TFEC: variants seen among roughly 807,000 people sequenced by gnomAD.
TFEC encodes class E basic helix-loop-helix protein 34.
In TFEC, 31 loss-of-function variants were observed where a neutral mutation model predicts 41.6. The ratio of observed to expected loss-of-function variants is 0.74; its 90% confidence interval spans 0.56 to 1.01. The LOEUF (loss-of-function observed/expected upper bound fraction) is 1.01, where lower values mean the gene tolerates loss of function less well. TFEC is among the 50% of genes least tolerant of loss of function. The probability of loss-of-function intolerance (pLI) is 0.00; values close to 1 mark genes in which losing one functional copy is unlikely to be tolerated. For missense variants in TFEC, 402 were observed against 404.1 expected (o/e 0.99, Z 0.04); for synonymous variants, 143 against 140.6 (o/e 1.02, Z -0.12).
chr7:116,001,835 T>C (rs1204884128), intron 1 of TFEC, among the ~76,000 whole-genome samples: 1 of 152,036 alleles, frequency 6.6e-6, no homozygotes, highest in African/African-American at 2.4e-5. Flanking sequence ...AATGGGCAAA[T>C]AGTCCAAATA....
At chr7:116,016,104 C>T (rs546849850) in intron 1 of TFEC, among the ~76,000 whole-genome samples, 6 of 152,244 alleles carry the variant, frequency 3.9e-5, no homozygotes, top group African/African-American at 1.2e-4. Context: ...AGACAGAACA[C>T]CATCACAAAG....
chr7:116,072,823 T>TA (rs886385564), intron 3 of TFEC, among the ~76,000 whole-genome samples: 54 of 151,684 alleles, frequency 3.6e-4, no homozygotes, highest in African/African-American at 1.3e-3. Context: ...TTCAACTTAA[T>TA]ATAGGGTATC....
intron 1 of TFEC, among the ~76,000 whole-genome samples, chr7:116,133,421 G>A (rs908149854): frequency 2.6e-5 from 4 of 151,936 alleles, no homozygotes; most frequent in Non-Finnish European, 5.9e-5. Context: ...GTGGTGGCGT[G>A]TGCCAGTATT....
chr7:116,104,763 A>C (rs1797678922), intron 3 of TFEC, among the ~76,000 whole-genome samples: 2 of 152,164 alleles, frequency 1.3e-5, no homozygotes, highest in African/African-American at 4.8e-5. Context: ...CAAAAAAAAA[A>C]AAAGCTAAAG....
At chr7:116,054,607 T>TA (rs1796385955) in intron 3 of TFEC, among the ~76,000 whole-genome samples, 2 of 152,210 alleles carry the variant, frequency 1.3e-5, no homozygotes, top group South Asian at 4.2e-4. Context: ...ATTTAGCAAA[T>TA]AAAAAATACA....
chr7:116,042,154 G>A (rs745781476), intron 3 of TFEC, among the ~76,000 whole-genome samples: 1 of 152,132 alleles, frequency 6.6e-6, no homozygotes, highest in African/African-American at 2.4e-5. Flanking sequence ...AAGTGAAAAT[G>A]ACATTTCTAG....
At chr7:115,951,293 A>C (rs996677946) in intron 5 of TFEC, among the ~76,000 whole-genome samples, 1 of 152,072 alleles carries the variant, frequency 6.6e-6, no homozygotes, top group South Asian at 2.1e-4. Context: ...TTGTCAGTCC[A>C]TCAGGATTGT....
At chr7:116,023,292 T>C (rs1174999433) in intron 1 of TFEC, among the ~76,000 whole-genome samples, 1 of 152,184 alleles carries the variant, frequency 6.6e-6, no homozygotes, top group Non-Finnish European at 1.5e-5. Flanking sequence ...ATCTGAAAGA[T>C]AAGACTCATG....
chr7:116,039,526 T>C (rs1795985600), intron 3 of TFEC, among the ~76,000 whole-genome samples: 1 of 151,870 alleles, frequency 6.6e-6, no homozygotes, highest in South Asian at 2.1e-4. Flanking sequence ...CCAGAATCTA[T>C]CTGCAAGGAG....
intron 1 of TFEC, among the ~76,000 whole-genome samples, chr7:115,985,201 A>C (rs909675692): frequency 6.6e-6 from 1 of 152,144 alleles, no homozygotes; most frequent in South Asian, 2.1e-4. Context: ...AACGATTGTC[A>C]TGTGTCAGCT....
At chr7:115,951,062 T>C in intron 5 of TFEC, 113 bp from the exon 6 acceptor site, 1 of 497,748 alleles carries the variant, frequency 2.0e-6, no homozygotes, top group Non-Finnish European at 3.4e-6. Context: ...ACTTTCCATT[T>C]AGTCAAAAGA....
In TFEC at chr7:115,940,658, T is replaced by C. The variant is rs141422802; in HGVS notation, c.937A>G (p.Ile313Val). The C allele has an allele frequency of 1.4e-5, 23 of 1,613,576 alleles. No individual in the cohort carries two copies. Among genetic ancestry groups the C allele is most frequent in the Middle Eastern group, 1.7e-4 (1 of 6,060 alleles). ...AGAGGATCTGTTCCAAATGGAGAGATTGTGTCATCCAATAGCATGCCATCC... is the reference window on the plus strand; with the variant it reads ...AGAGGATCTGTTCCAAATGGAGAGACTGTGTCATCCAATAGCATGCCATCC... ...RLDGMLLDDT[I>V]SPFGTDPLLS... Residue 313 changes from isoleucine (I) to valine (V), a missense_variant, in exon 8 of 8, where the codon ATC becomes GTC. Transcript: ENST00000265440.
At chr7:115,958,857 A>G (rs1792377423) in intron 3 of TFEC, among the ~76,000 whole-genome samples, 2 of 151,844 alleles carry the variant, frequency 1.3e-5, no homozygotes, top group Non-Finnish European at 2.9e-5. Flanking sequence ...TTTGAATATC[A>G]TTAAACAATT....
intron 2 of TFEC, among the ~76,000 whole-genome samples, chr7:115,977,082 T>C (rs978531695): frequency 6.6e-6 from 1 of 152,082 alleles, no homozygotes; most frequent in Non-Finnish European, 1.5e-5. Context: ...GATGTTAAAA[T>C]CTAAAACCCA....
chr7:115,956,410 T>TA (rs1362225051), intron 4 of TFEC, among the ~76,000 whole-genome samples: 1 of 149,978 alleles, frequency 6.7e-6, no homozygotes, highest in African/African-American at 2.4e-5. Flanking sequence ...TATGTATGTA[T>TA]ATATGTGTGT....
chr7:116,018,694 C>T (rs889822481), intron 1 of TFEC, among the ~76,000 whole-genome samples: 3 of 152,042 alleles, frequency 2.0e-5, no homozygotes, highest in Admixed American at 6.6e-5. Context: ...TAGGCAAATT[C>T]GTCTATTGAG....
At chr7:116,001,534 A>AAAAC (rs950331673) in intron 1 of TFEC, among the ~76,000 whole-genome samples, 1 of 151,768 alleles carries the variant, frequency 6.6e-6, no homozygotes, top group Non-Finnish European at 1.5e-5. Context: ...AAAAAACACA[A>AAAAC]AAACAAACAA....
intron 1 of TFEC, among the ~76,000 whole-genome samples, chr7:116,154,604 T>C (rs1026553158): frequency 9.9e-5 from 15 of 152,206 alleles, no homozygotes; most frequent in Non-Finnish European, 1.8e-4. Flanking sequence ...CCTAGAGAGA[T>C]TGGCATTGCA....
chr7:116,006,672 T>C (rs1794804125), intron 1 of TFEC, among the ~76,000 whole-genome samples: 1 of 152,126 alleles, frequency 6.6e-6, no homozygotes, highest in Non-Finnish European at 1.5e-5. Flanking sequence ...GGGTTAAGAC[T>C]TTGGGGGACT....
Sources: allele counts gnomAD v4.1 joint callset (sites outside exome capture counted in the v4.1 genomes callset), GRCh38; gene constraint gnomAD v4.1.1; transcripts MANE v1.5; gene names NCBI Gene and HGNC (gene_info 2026-07-23, HGNC 2026-07-21).